UGGT1: variants seen among roughly 807,000 people sequenced by gnomAD.
UGGT1 encodes the protein UDP-glucose glycoprotein glucosyltransferase 1.
A neutral mutation model predicts 203.9 loss-of-function variants in UGGT1; 107 were observed. That is an observed-to-expected ratio of 0.52 (90% confidence interval 0.45 to 0.62). UGGT1 has a LOEUF of 0.62. UGGT1 is among the 20% of genes least tolerant of loss of function. The probability of loss-of-function intolerance (pLI) is 0.00; values close to 1 mark genes in which losing one functional copy is unlikely to be tolerated. For missense variants in UGGT1, 1,673 were observed against 1,867.2 expected (o/e 0.90, Z 1.92); for synonymous variants, 628 against 653.5 (o/e 0.96, Z 0.59).
At chr2:128,124,227 T>G (rs930451970) in intron 11 of UGGT1, among the ~76,000 whole-genome samples, 2 of 152,240 alleles carry the variant, frequency 1.3e-5, no homozygotes, top group African/African-American at 4.8e-5. Context: ...ATTACAGGCA[T>G]GAGCCACCGC....
At chr2:128,178,444 T>C (rs1312520495) in intron 33 of UGGT1, 24 bp from the exon 34 acceptor site, 1 of 1,564,072 alleles carries the variant, frequency 6.4e-7, no homozygotes, top group South Asian at 1.2e-5. Flanking sequence ...TCAAGTGGTC[T>C]TTTTTTTACC....
rs187418627 is a variant in UGGT1, at chr2:128,108,081, C to T, written c.408+13C>T. On this transcript the variant is annotated intron_variant, in intron 4 of 40. Transcript: ENST00000259253. ...AGCCTTCCAGCAGGTGGGTCCAGTG[C>T]TCTTAAAGAACAGCATTTTAGAGTG... The T allele has an allele frequency of 1.2e-6, 2 of 1,613,824 alleles. No individual in the cohort carries two copies. The highest frequency in any genetic ancestry group is 1.7e-5 in the Admixed American group (1 of 59,978).
intron 19 of UGGT1, among the ~76,000 whole-genome samples, chr2:128,153,587 A>G (rs1430317121): frequency 1.3e-5 from 2 of 152,188 alleles, no homozygotes; most frequent in Non-Finnish European, 2.9e-5. Flanking sequence ...CCTATTCTAG[A>G]CATTTCATAT....
intron 18 of UGGT1, chr2:128,151,396 C>G (rs576597543): frequency 2.8e-5 from 11 of 392,806 alleles, no homozygotes; most frequent in Non-Finnish European, 5.3e-5. Flanking sequence ...TGCCAAATTC[C>G]CCTCCTTGAA....
At chr2:128,132,149 T>C (rs894168038) in intron 13 of UGGT1, among the ~76,000 whole-genome samples, 1 of 152,204 alleles carries the variant, frequency 6.6e-6, no homozygotes, top group African/African-American at 2.4e-5. Flanking sequence ...ATTGAGGGTG[T>C]ACACATTTCT....
At chr2:128,160,739 C>G in intron 24 of UGGT1, 148 bp downstream of exon 24, 1 of 1,220,320 alleles carries the variant, frequency 8.2e-7, no homozygotes, top group African/African-American at 1.6e-5. Context: ...TTTCTGCCTC[C>G]TATTTCCAAG....
At position 128,192,548 on chromosome 2, in the gene UGGT1, G is replaced by A. The variant is rs1692318209; in HGVS notation, c.*2806G>A. 6.6e-6 allele frequency: 1 copy of A among 152,168 alleles called. No individual in the cohort carries two copies. Among genetic ancestry groups the A allele is most frequent in the Non-Finnish European group, 1.5e-5 (1 of 68,048 alleles). The allele number at this position is 152,168 out of a possible 1,614,324, so 9.4% of individuals were successfully genotyped here. On this transcript the variant is annotated 3_prime_UTR_variant, in exon 41 of 41. Transcript: ENST00000259253. Reference sequence around the variant, plus strand: ...TGGAGACTTTTGTTTGTGAGTAAGTGACAGAGTAATATGAAATAATGTGAT... The same window carrying A: ...TGGAGACTTTTGTTTGTGAGTAAGTAACAGAGTAATATGAAATAATGTGAT...
intron 18 of UGGT1, among the ~76,000 whole-genome samples, chr2:128,148,414 G>A (rs1219173616): frequency 6.6e-6 from 1 of 152,160 alleles, no homozygotes; most frequent in Non-Finnish European, 1.5e-5. Flanking sequence ...TCTTTTTCAT[G>A]TGTGGCTTCT....
intron 8 of UGGT1, among the ~76,000 whole-genome samples, chr2:128,120,113 T>C (rs1277869222): frequency 1.3e-5 from 2 of 152,100 alleles, no homozygotes; most frequent in Non-Finnish European, 2.9e-5. Context: ...TCAGTCTCCT[T>C]ATCTACCTCA....
intron 16 of UGGT1, among the ~76,000 whole-genome samples, chr2:128,142,179 A>G (rs1007872931): frequency 6.6e-6 from 1 of 150,704 alleles, no homozygotes; most frequent in African/African-American, 2.4e-5. Context: ...CAAGTGATCC[A>G]CCCGCCTCAC....
chr2:128,110,794 C>G (rs1273654828), intron 5 of UGGT1, among the ~76,000 whole-genome samples: 1 of 152,066 alleles, frequency 6.6e-6, no homozygotes. Context: ...GGGTATACCT[C>G]GTTATTTTTA....
At chr2:128,141,465 C>T (rs988192422) in intron 16 of UGGT1, among the ~76,000 whole-genome samples, 6 of 151,804 alleles carry the variant, frequency 4.0e-5, no homozygotes, top group Non-Finnish European at 8.8e-5. Context: ...ATTAAATGGG[C>T]GTGGTGGCAG....
At chr2:128,094,736 C>CTT (rs70988604) in intron 1 of UGGT1, among the ~76,000 whole-genome samples, 12 of 84,630 alleles carry the variant, frequency 1.4e-4, no homozygotes, top group Non-Finnish European at 2.3e-4. Flanking sequence ...TAAGAGAATG[C>CTT]TTTTTTTTTT....
intron 36 of UGGT1, among the ~76,000 whole-genome samples, chr2:128,181,424 T>C (rs151267832): frequency 9.5e-4 from 144 of 152,358 alleles, no homozygotes; most frequent in Middle Eastern, 3.4e-3. Context: ...TCATGGGTAA[T>C]AGACGAAGCT....
intron 2 of UGGT1, chr2:128,103,107 C>A: frequency 2.1e-6 from 1 of 470,994 alleles, no homozygotes; most frequent in Non-Finnish European, 4.4e-6. Context: ...TTGTACACCC[C>A]AGTGTTCACA....
At chr2:128,179,067 A>G (rs909645028) in intron 34 of UGGT1, among the ~76,000 whole-genome samples, 1 of 152,182 alleles carries the variant, frequency 6.6e-6, no homozygotes, top group African/African-American at 2.4e-5. Context: ...GCCACGGGCT[A>G]GGGCTGCCTG....
chr2:128,184,625 T>A (rs1691880440), intron 38 of UGGT1, among the ~76,000 whole-genome samples: 2 of 152,222 alleles, frequency 1.3e-5, no homozygotes, highest in Admixed American at 1.3e-4. Flanking sequence ...TAGTTTAATT[T>A]GCTCATTTTC....
chr2:128,150,684 T>TTTTTTC (rs888045277), intron 18 of UGGT1, among the ~76,000 whole-genome samples: 1 of 98,748 alleles, frequency 1.0e-5, no homozygotes, highest in Admixed American at 1.2e-4. Flanking sequence ...TTTTTTTTTT[T>TTTTTTC]ACAAATGTTT....
intron 13 of UGGT1, among the ~76,000 whole-genome samples, chr2:128,130,514 G>C (rs927799491): frequency 6.6e-6 from 1 of 152,128 alleles, no homozygotes; most frequent in African/African-American, 2.4e-5. Flanking sequence ...TACTTATAAA[G>C]AGTAAAAGAT....
Sources: allele counts gnomAD v4.1 joint callset (sites outside exome capture counted in the v4.1 genomes callset), GRCh38; gene constraint gnomAD v4.1.1; transcripts MANE v1.5; gene names NCBI Gene and HGNC (gene_info 2026-07-23, HGNC 2026-07-21).